The following DLGAP2 variants were observed in gnomAD, a reference collection of about 807,000 sequenced individuals.
DLGAP2 encodes the protein disks large-associated protein 2.
A neutral mutation model predicts 100.3 loss-of-function variants in DLGAP2; 26 were observed. The ratio of observed to expected loss-of-function variants is 0.26; its 90% CI spans 0.19 to 0.36. DLGAP2 has a LOEUF of 0.36. Among genes scored for constraint, DLGAP2 ranks in the 10% least tolerant of loss-of-function variants. The probability of loss-of-function intolerance (pLI) is 1.00; values close to 1 mark genes in which losing one functional copy is unlikely to be tolerated. For missense variants in DLGAP2, 1,858 were observed against 1,453.2 expected, an observed-to-expected ratio of 1.28 and a Z score of -4.53; for synonymous variants, 886 against 630.1, an observed-to-expected ratio of 1.41 and a Z score of -6.08.
intron 2 of DLGAP2, among the ~76,000 whole-genome samples, chr8:980,647 G>C (rs1194398617): frequency 6.6e-6 from 1 of 152,208 alleles, no homozygotes; most frequent in African/African-American, 2.4e-5. Flanking sequence ...GCAGGTAAGA[G>C]GAGGAGTCAG....
chr8:1,467,694 A>C (rs1208632240), intron 3 of DLGAP2, among the ~76,000 whole-genome samples: 1 of 152,184 alleles, frequency 6.6e-6, no homozygotes, highest in Non-Finnish European at 1.5e-5. Context: ...GCAACGTCCC[A>C]TCACTAAAGG....
rs886506235 is a variant in DLGAP2 at position 1,702,220 on chromosome 8, A to AT, written c.*820dup. 6.7e-6 allele frequency: 1 copy of AT among 149,216 alleles called. No individual in the cohort carries two copies. The highest frequency in any genetic ancestry group is 2.1e-4 in the South Asian group (1 of 4,714). 9.2% of individuals were successfully genotyped at this position (149,216 alleles called of 1,614,324 possible). ...GTCCTTACTTGTAAACAGTTATTGT[A>AT]TTTTTTATTTCTTTCTAACTTAAAA... On this transcript the variant is annotated 3_prime_UTR_variant, in exon 15 of 15. Coordinates refer to ENST00000637795, the MANE Select transcript of DLGAP2 (RefSeq NM_001346810.2).
chr8:982,658 C>T (rs1243638362), intron 2 of DLGAP2, among the ~76,000 whole-genome samples: 1 of 152,082 alleles, frequency 6.6e-6, no homozygotes, highest in African/African-American at 2.4e-5. Flanking sequence ...AAAATAAATG[C>T]AATATGGATA....
chr8:1,570,756 G>A (rs1802623411), intron 6 of DLGAP2, among the ~76,000 whole-genome samples: 1 of 149,626 alleles, frequency 6.7e-6, no homozygotes, highest in Non-Finnish European at 1.5e-5. Context: ...ATGGAGAGGA[G>A]AGGGGTGAAC....
intron 3 of DLGAP2, among the ~76,000 whole-genome samples, chr8:1,264,190 C>A (rs982804723): frequency 1.3e-5 from 2 of 152,088 alleles, no homozygotes; most frequent in Non-Finnish European, 2.9e-5. Flanking sequence ...ATCCCCTGAG[C>A]CCCAAGAACT....
intron 1 of DLGAP2, among the ~76,000 whole-genome samples, chr8:788,032 G>A (rs968731000): frequency 6.6e-6 from 1 of 150,742 alleles, no homozygotes; most frequent in South Asian, 2.1e-4. Flanking sequence ...TGGCCACAGG[G>A]GTCTGCCCTT....
At chr8:999,693 A>G (rs762397882) in intron 2 of DLGAP2, among the ~76,000 whole-genome samples, 18 of 151,928 alleles carry the variant, frequency 1.2e-4, no homozygotes, top group Non-Finnish European at 1.6e-4. Flanking sequence ...GTTTGCCAGG[A>G]TGGTCTCAAT....
At chr8:1,435,332 G>A (rs1797585781) in intron 3 of DLGAP2, among the ~76,000 whole-genome samples, 1 of 152,136 alleles carries the variant, frequency 6.6e-6, no homozygotes, top group South Asian at 2.1e-4. Flanking sequence ...CCACACCGGC[G>A]CTTTGACTAC....
intron 2 of DLGAP2, among the ~76,000 whole-genome samples, chr8:1,175,025 G>A (rs1797223534): frequency 6.6e-6 from 1 of 152,138 alleles, no homozygotes; most frequent in East Asian, 1.9e-4. Flanking sequence ...TCAGATGACA[G>A]GAGAGAGTTT....
At chr8:936,512 A>C (rs1799074881) in intron 2 of DLGAP2, among the ~76,000 whole-genome samples, 1 of 152,178 alleles carries the variant, frequency 6.6e-6, no homozygotes, top group Non-Finnish European at 1.5e-5. Flanking sequence ...AGCAGGACGC[A>C]TGGCTCCTGG....
chr8:1,338,480 G>T (rs1010404319), intron 3 of DLGAP2, among the ~76,000 whole-genome samples: 6 of 152,220 alleles, frequency 3.9e-5, no homozygotes, highest in African/African-American at 1.4e-4. Context: ...GGGTCTGGGG[G>T]CAGGAAGGAA....
chr8:777,107 G>C (rs1821541652), intron 1 of DLGAP2, among the ~76,000 whole-genome samples: 1 of 152,024 alleles, frequency 6.6e-6, no homozygotes, highest in Admixed American at 6.6e-5. Context: ...TTATGTAATG[G>C]CCTTCTTTGT....
At chr8:1,049,708 C>T (rs73538173) in intron 2 of DLGAP2, among the ~76,000 whole-genome samples, 8,990 of 152,034 alleles carry the variant, frequency 0.059, 860 homozygotes, top group African/African-American at 0.21. Flanking sequence ...GATACAGACA[C>T]AGGCACATAT....
chr8:1,282,006 G>T (rs1208386329), intron 3 of DLGAP2, among the ~76,000 whole-genome samples: 3 of 148,536 alleles, frequency 2.0e-5, no homozygotes, highest in Non-Finnish European at 4.4e-5. Context: ...GAACCATCCA[G>T]ACATGGTGTG....
At chr8:1,112,986 T>G (rs1035821950) in intron 2 of DLGAP2, among the ~76,000 whole-genome samples, 2 of 152,236 alleles carry the variant, frequency 1.3e-5, no homozygotes, top group Non-Finnish European at 2.9e-5. Flanking sequence ...ATTATTTTTG[T>G]CAGCTTTGTC....
chr8:771,916 T>A (rs916279591), intron 1 of DLGAP2, among the ~76,000 whole-genome samples: 2 of 152,216 alleles, frequency 1.3e-5, no homozygotes, highest in African/African-American at 2.4e-5. Flanking sequence ...TCATTTTATT[T>A]TTTTAGAGAC....
At chr8:919,293 T>C (rs1374566371) in intron 2 of DLGAP2, among the ~76,000 whole-genome samples, 1 of 152,200 alleles carries the variant, frequency 6.6e-6, no homozygotes, top group Non-Finnish European at 1.5e-5. Flanking sequence ...GGTGCCCTCA[T>C]GGTGCTGGGG....
Position 768,444 on chromosome 8 carries a change from G to C in DLGAP2, c.18+30619G>C, listed in dbSNP as rs1436801916. Among the ~76,000 whole-genome samples, 354 of 75,292 alleles carry C rather than the reference G, an allele frequency of 4.7e-3. 2 individuals carry two copies. The highest frequency in any genetic ancestry group is 0.019 in the African/African-American group (325 of 17,548). The allele number at this position is 75,292 out of a possible 152,430, so 49.4% of individuals were successfully genotyped here. On this transcript the variant is annotated intron_variant, in intron 1 of 14. Transcript: ENST00000637795. The stretch of plus-strand genomic sequence containing the variant: ...TTTTTTTTTTTTTTTTTTTTTTTCT[G>C]ACATGAATCTTGCTCTGTCTCCCAG...
chr8:1,495,778 C>T (rs1314196835), intron 3 of DLGAP2, among the ~76,000 whole-genome samples: 1 of 152,210 alleles, frequency 6.6e-6, no homozygotes, highest in Non-Finnish European at 1.5e-5. Flanking sequence ...CCCCCGTATG[C>T]TTTCGCTTTC....
Sources: allele counts gnomAD v4.1 joint callset (sites outside exome capture counted in the v4.1 genomes callset), GRCh38; gene constraint gnomAD v4.1.1; transcripts MANE v1.5; gene names NCBI Gene and HGNC (gene_info 2026-07-23, HGNC 2026-07-21).